Variants in CDK14 observed in about 807,000 individuals in gnomAD.
CDK14 encodes cyclin dependent kinase 14.
A neutral mutation model predicts 60.7 loss-of-function variants in CDK14; 34 were observed. The ratio of observed to expected loss-of-function variants is 0.56; its 90% CI spans 0.43 to 0.75. CDK14 has a LOEUF of 0.75. CDK14 is among the 30% of genes least tolerant of loss of function. CDK14 has a pLI of 0.00. For missense variants in CDK14, 482 were observed against 564.1 expected (o/e 0.85, Z 1.47); for synonymous variants, 197 against 203.7 (o/e 0.97, Z 0.28).
At chr7:90,709,169 T>A (rs77099967) in intron 2 of CDK14, 3 of 211,424 alleles carry the variant, frequency 1.4e-5, no homozygotes, top group Admixed American at 5.8e-5. Flanking sequence ...TTTTTTTTTT[T>A]AACCACATAT....
At chr7:90,726,911 C>T (rs1289583619) in intron 3 of CDK14, 99 bp downstream of exon 3, 9 of 1,365,448 alleles carry the variant, frequency 6.6e-6, no homozygotes, top group Non-Finnish European at 9.1e-6. Context: ...TTTATCAGTG[C>T]CTTATTATGC....
intron 2 of CDK14, chr7:90,716,272 G>A (rs1802246480): frequency 6.6e-6 from 1 of 151,948 alleles, no homozygotes; most frequent in Admixed American, 6.6e-5. Context: ...CCACACCAAA[G>A]GAGGACCTGT....
intron 14 of CDK14, among the ~76,000 whole-genome samples, chr7:91,160,302 G>T (rs1279565057): frequency 1.3e-5 from 2 of 152,048 alleles, no homozygotes; most frequent in Non-Finnish European, 2.9e-5. Flanking sequence ...AATTTATTGT[G>T]CATGGCCCAT....
At position 90,790,495 on chromosome 7, in the gene CDK14, T is replaced by A. The variant is rs1412608589; in HGVS notation, c.465-78T>A. The A allele has an allele frequency of 4.6e-6, 4 of 867,128 alleles. No homozygotes were observed. In the African/African-American group the frequency reaches 5.2e-5, roughly 11 times the overall value. 53.7% of individuals were successfully genotyped at this position (867,128 alleles called of 1,614,324 possible). On this transcript the variant is annotated intron_variant, in intron 4 of 14. Coordinates refer to ENST00000380050, the MANE Select transcript of CDK14 (RefSeq NM_001287135.2). ...GCATAAAAGTGAATTTATTTAGTTA[T>A]ATAAATTATAAGGAAGACAATTAGA...
chr7:90,794,674 G>A (rs1438124821), intron 5 of CDK14, among the ~76,000 whole-genome samples: 1 of 152,072 alleles, frequency 6.6e-6, no homozygotes, highest in African/African-American at 2.4e-5. Flanking sequence ...TTTTCAAGGT[G>A]CCCAGATTTC....
chr7:90,602,173 A>G (rs1441821428), intron 1 of CDK14, among the ~76,000 whole-genome samples: 1 of 152,110 alleles, frequency 6.6e-6, no homozygotes, highest in East Asian at 1.9e-4. Context: ...AATTTCCAGA[A>G]CTTTTATAAT....
chr7:90,841,322 T>G (rs73222737), intron 5 of CDK14, among the ~76,000 whole-genome samples: 22,233 of 151,986 alleles, frequency 0.15, 1,792 homozygotes, highest in Middle Eastern at 0.25. Flanking sequence ...GTGATCAATT[T>G]TAGCTCATCA....
chr7:90,598,722 T>TTTTTTTTTTTTTTTTTTTTAGG, intron 1 of CDK14, among the ~76,000 whole-genome samples: 1 of 135,760 alleles, frequency 7.4e-6, no homozygotes, highest in East Asian at 2.1e-4. Flanking sequence ...TTTTTTTTTT[T>TTTTTTTTTTTTTTTTTTTTAGG]GAGACGGAGT....
At chr7:90,959,636 A>G (rs138605551) in intron 9 of CDK14, among the ~76,000 whole-genome samples, 28 of 152,264 alleles carry the variant, frequency 1.8e-4, no homozygotes, top group African/African-American at 6.5e-4. Context: ...AATGATCCCT[A>G]TACAGTGTTA....
intron 1 of CDK14, among the ~76,000 whole-genome samples, chr7:90,598,013 G>T (rs950322511): frequency 6.6e-6 from 1 of 152,206 alleles, no homozygotes; most frequent in Non-Finnish European, 1.5e-5. Context: ...GCATTAAGAT[G>T]AAGTTTGAAG....
intron 11 of CDK14, among the ~76,000 whole-genome samples, chr7:91,073,488 AG>A (rs1194079294): frequency 6.6e-6 from 1 of 152,174 alleles, no homozygotes; most frequent in Non-Finnish European, 1.5e-5. Flanking sequence ...GTCTTGCAAG[AG>A]CTCCTGAAGG....
At chr7:91,025,473 T>A (rs1381370178) in intron 10 of CDK14, among the ~76,000 whole-genome samples, 1 of 152,182 alleles carries the variant, frequency 6.6e-6, no homozygotes. Flanking sequence ...ATGACTTAAA[T>A]CTCATGAAAT....
intron 14 of CDK14, among the ~76,000 whole-genome samples, chr7:91,135,251 T>G (rs1800244391): frequency 6.6e-6 from 1 of 151,946 alleles, no homozygotes; most frequent in Non-Finnish European, 1.5e-5. Context: ...GGAGGAAGAC[T>G]GCTGAGGGAA....
In CDK14 at chr7:90,745,292, A is replaced by G. The variant is rs148244318; in HGVS notation, c.370-2389A>G. 3.4e-3 allele frequency among the ~76,000 whole-genome samples: 513 copies of G among 152,216 alleles called. 5 individuals are homozygous for G. The highest frequency in any genetic ancestry group is 0.012 in the African/African-American group (496 of 41,520). On this transcript the variant is annotated intron_variant, in intron 3 of 14. Transcript: ENST00000380050. ...TGGGTAATAAAATTGTTGTGTTTCC[A>G]TAATTCACTTGAGGGACCGTCTTGA...
chr7:90,643,291 C>T (rs558057105), intron 2 of CDK14, among the ~76,000 whole-genome samples: 1 of 152,208 alleles, frequency 6.6e-6, no homozygotes, highest in East Asian at 1.9e-4. Context: ...CTAATTTATT[C>T]ATTAGTACAT....
intron 4 of CDK14, among the ~76,000 whole-genome samples, chr7:90,777,830 A>C (rs190462323): frequency 1.3e-5 from 2 of 152,300 alleles, no homozygotes; most frequent in Admixed American, 1.3e-4. Flanking sequence ...CTCCCTGATC[A>C]TCCACTATGC....
In CDK14 at chr7:90,667,927, C is replaced by T. The variant is rs1025218520; in HGVS notation, c.124-58640C>T. On this transcript the variant is annotated intron_variant, in intron 2 of 14. Transcript: ENST00000380050. ...TAGGGATAGATCACATTTTGTTTAT[C>T]CATCCATTAGTTGACGGACATTTGG... Among the ~76,000 whole-genome samples the T allele has an allele frequency of 5.9e-5, 9 of 152,230 alleles. No homozygotes were observed. The East Asian group carries it at 1.7e-3, about 29-fold the overall frequency.
chr7:90,630,038 CAAACAAAACAAAACAAAACAAAACA>C lies in CDK14; in HGVS notation c.123+25815_123+25839del, dbSNP rs55947583. The stretch of plus-strand genomic sequence containing the variant: ...TGGGCAACAGAACGAGACACTGTCT[CAAACAAAACAAAACAAAACAAAACA>C]AAACAAAACAAAACAAAACAAAACA... On this transcript the variant is annotated intron_variant, in intron 2 of 14. Coordinates refer to ENST00000380050, the MANE Select transcript of CDK14 (RefSeq NM_001287135.2). Among the ~76,000 whole-genome samples the C allele has an allele frequency of 2.1e-4, 22 of 102,856 alleles. No homozygotes were observed. In the South Asian group the frequency reaches 7.8e-3, roughly 37 times the overall value. The allele number at this position is 102,856 out of a possible 152,430, so 67.5% of individuals were successfully genotyped here.
intron 2 of CDK14, chr7:90,726,259 T>G (rs1192512343): frequency 1.0e-6 from 1 of 972,206 alleles, no homozygotes; most frequent in Non-Finnish European, 1.2e-6. Flanking sequence ...CCACTTCCAG[T>G]CAGATGGTAA....
Sources: allele counts gnomAD v4.1 joint callset (sites outside exome capture counted in the v4.1 genomes callset), GRCh38; gene constraint gnomAD v4.1.1; transcripts MANE v1.5; gene names NCBI Gene and HGNC (gene_info 2026-07-23, HGNC 2026-07-21).